Variants in IL12RB1 observed in about 807,000 individuals in gnomAD.
IL12RB1 encodes interleukin 12 receptor subunit beta 1, also known as interleukin-12 receptor subunit beta-1.
In IL12RB1, 64 loss-of-function variants were observed where a neutral mutation model predicts 94.4. The ratio of observed to expected loss-of-function variants is 0.68; its 90% CI spans 0.55 to 0.83. The LOEUF is 0.83. IL12RB1 is among the 40% of genes least tolerant of loss of function. The pLI, the probability that IL12RB1 is intolerant of heterozygous loss-of-function variation, is 0.00. For missense variants in IL12RB1, 814 were observed against 855.6 expected (o/e 0.95, Z 0.61); for synonymous variants, 362 against 355.5 (o/e 1.02, Z -0.21).
At chr19:18,097,976 C>A in intron 1 of IL12RB1, 1 of 601,822 alleles carries the variant, frequency 1.7e-6, no homozygotes, top group South Asian at 8.4e-5. Flanking sequence ...TTCTTTTTGA[C>A]CACCCGCTTC....
intron 16 of IL12RB1, 68 bp downstream of exon 16, chr19:18,059,826 A>C: frequency 2.3e-6 from 2 of 887,518 alleles, no homozygotes; most frequent in Non-Finnish European, 3.7e-6. Flanking sequence ...GGAGCGATGG[A>C]TGTCTAGCCC....
intron 10 of IL12RB1, among the ~76,000 whole-genome samples, 191 bp from the exon 11 acceptor site, chr19:18,068,717 T>TA (rs1174547973): frequency 1.4e-5 from 2 of 141,452 alleles, no homozygotes; most frequent in Non-Finnish European, 3.1e-5. Context: ...CATCCCCCTC[T>TA]AACCCAGCCC....
intron 7 of IL12RB1, among the ~76,000 whole-genome samples, chr19:18,073,985 C>T (rs993405772): frequency 2.6e-5 from 4 of 152,008 alleles, no homozygotes; most frequent in African/African-American, 7.2e-5. Context: ...CCACCATGTC[C>T]GGCTAATTTT....
At chr19:18,065,546 C>G (rs1329703796) in intron 12 of IL12RB1, among the ~76,000 whole-genome samples, 1 of 151,982 alleles carries the variant, frequency 6.6e-6, no homozygotes, top group African/African-American at 2.4e-5. Flanking sequence ...AGGCCGGACA[C>G]GGTGGCTCAC....
chr19:18,093,158 A>G (rs2036711660), intron 1 of IL12RB1, among the ~76,000 whole-genome samples: 1 of 151,776 alleles, frequency 6.6e-6, no homozygotes, highest in Non-Finnish European at 1.5e-5. Context: ...TACAAAGATT[A>G]GCCGGGTGTG....
At chr19:18,065,673 G>T (rs566544564) in intron 12 of IL12RB1, among the ~76,000 whole-genome samples, 6 of 152,044 alleles carry the variant, frequency 3.9e-5, no homozygotes, top group Non-Finnish European at 8.8e-5. Flanking sequence ...ACAAAAATTT[G>T]CCAGGCATGG....
upstream of IL12RB1, chr19:18,091,680 G>GC (rs988583317): frequency 6.6e-6 from 1 of 151,998 alleles, no homozygotes; most frequent in African/African-American, 2.4e-5. Flanking sequence ...TGCCTCTGAG[G>GC]GATCATTTGA....
At chr19:18,069,830 C>T (rs769133267) in intron 9 of IL12RB1, 117 bp from the exon 10 acceptor site, 22 of 770,792 alleles carry the variant, frequency 2.9e-5, no homozygotes, top group Middle Eastern at 5.1e-4. Flanking sequence ...CCCTACAGGG[C>T]CAGGGGTGTC....
intron 1 of IL12RB1, among the ~76,000 whole-genome samples, chr19:18,092,701 A>G (rs370972629): frequency 1.4e-5 from 2 of 147,300 alleles, no homozygotes; most frequent in Admixed American, 1.4e-4. Context: ...ATGTGGTCTC[A>G]CTATGTTGCC....
At chr19:18,097,758 C>T in intron 1 of IL12RB1, 1 of 1,195,194 alleles carries the variant, frequency 8.4e-7, no homozygotes, top group Non-Finnish European at 1.0e-6. Context: ...CGGGGCGGGG[C>T]CGGGGGCGGG....
intron 6 of IL12RB1, 100 bp from the exon 7 acceptor site, chr19:18,075,968 G>A: frequency 8.3e-7 from 1 of 1,200,172 alleles, no homozygotes; most frequent in Admixed American, 1.7e-5. Context: ...ACTGTGTACA[G>A]AGCCACGTGC....
chr19:18,087,408 C>T (rs1336929570), upstream of IL12RB1, among the ~76,000 whole-genome samples: 3 of 152,222 alleles, frequency 2.0e-5, no homozygotes, highest in East Asian at 3.9e-4. Context: ...CAGGGTTTCA[C>T]CATGCTGGCC....
intron 13 of IL12RB1, among the ~76,000 whole-genome samples, chr19:18,063,076 C>CTCTTTTT (rs1345434373): frequency 8.0e-5 from 6 of 75,186 alleles, no homozygotes; most frequent in Admixed American, 3.5e-4. Flanking sequence ...TCTTCTTCTT[C>CTCTTTTT]TATTTTTTTT....
chr19:18,088,113 C>T (rs150543577), upstream of IL12RB1, among the ~76,000 whole-genome samples: 4,665 of 151,978 alleles, frequency 0.031, 97 homozygotes, highest in Non-Finnish European at 0.048. Context: ...TTAGGCCAGG[C>T]GCGGTGGCTC....
At chr19:18,091,182 T>C (rs1477712521), upstream of IL12RB1, among the ~76,000 whole-genome samples, 1 of 152,132 alleles carries the variant, frequency 6.6e-6, no homozygotes, top group East Asian at 1.9e-4. Context: ...AACCTGACAC[T>C]CCCTCTGAAG....
chr19:18,084,720 T>G (rs1212351475), intron 1 of IL12RB1, among the ~76,000 whole-genome samples: 2 of 152,230 alleles, frequency 1.3e-5, no homozygotes, highest in Non-Finnish European at 1.5e-5. Context: ...CATGTATTTA[T>G]TAATTCATCC....
At position 18,069,630 on chromosome 19, in the gene IL12RB1, T is replaced by C. The variant is rs2034867643; in HGVS notation, c.1105A>G (p.Ile369Val). The change falls in exon 10 of 17, where the codon ATT becomes GTT. Residue 369 changes from isoleucine (I) to valine (V), a missense_variant. Ile to Val is a conservative substitution (Grantham distance 29). Coordinates refer to ENST00000593993, the MANE Select transcript of IL12RB1 (RefSeq NM_005535.3). ...PARAQSMTYC[I>V]EWQPVGQDGG... Reference sequence around the variant, plus strand: ...TCCTGGCCCACAGGCTGCCATTCAATGCAATACGTCATGCTCTGAGCCCGG... The same window carrying C: ...TCCTGGCCCACAGGCTGCCATTCAACGCAATACGTCATGCTCTGAGCCCGG... 6.2e-7 allele frequency: 1 copy of C among 1,613,524 alleles called. No homozygotes were observed. Among genetic ancestry groups the C allele is most frequent in the Non-Finnish European group, 8.5e-7 (1 of 1,179,828 alleles).
At chr19:18,063,076 C>T (rs1325588584) in intron 13 of IL12RB1, among the ~76,000 whole-genome samples, 26 of 75,202 alleles carry the variant, frequency 3.5e-4, no homozygotes, top group African/African-American at 8.5e-4. Context: ...TCTTCTTCTT[C>T]TATTTTTTTT....
intron 4 of IL12RB1, among the ~76,000 whole-genome samples, 192 bp downstream of exon 4, chr19:18,080,640 G>T (rs1161392971): frequency 1.3e-5 from 2 of 152,172 alleles, no homozygotes; most frequent in Admixed American, 1.3e-4. Context: ...AAGTGCCCAC[G>T]AATAGGGGAT....
Sources: allele counts gnomAD v4.1 joint callset (sites outside exome capture counted in the v4.1 genomes callset), GRCh38; gene constraint gnomAD v4.1.1; transcripts MANE v1.5; gene names NCBI Gene and HGNC (gene_info 2026-07-23, HGNC 2026-07-21).